The following IMMP2L variants were observed in gnomAD, a reference collection of about 807,000 sequenced individuals.
The protein encoded by IMMP2L is inner mitochondrial membrane peptidase subunit 2.
Under a neutral mutation model 19.3 loss-of-function variants are expected in IMMP2L, and 18 were observed. The observed-to-expected ratio is 0.93, with a 90% CI of 0.64 to 1.38. The LOEUF is 1.38. Among genes scored for constraint, IMMP2L ranks in the 40% most tolerant of loss-of-function variants. IMMP2L has a pLI of 0.00. For synonymous variants in IMMP2L, 76 were observed against 73.0 expected (o/e 1.04, Z -0.21); for missense variants, 233 against 218.2 (o/e 1.07, Z -0.43).
intron 5 of IMMP2L, among the ~76,000 whole-genome samples, chr7:110,754,352 T>C (rs2130934900): frequency 6.6e-6 from 1 of 152,170 alleles, no homozygotes; most frequent in South Asian, 2.1e-4. Context: ...TAATGGTCCT[T>C]GTTCAGAAAG....
chr7:111,114,807 G>A (rs540319181), intron 3 of IMMP2L, among the ~76,000 whole-genome samples: 1 of 151,776 alleles, frequency 6.6e-6, no homozygotes, highest in Admixed American at 6.6e-5. Context: ...ATATTTAAGG[G>A]TTACTACAAA....
At chr7:110,692,582 T>C (rs1481764348) in intron 5 of IMMP2L, among the ~76,000 whole-genome samples, 5 of 152,276 alleles carry the variant, frequency 3.3e-5, no homozygotes, top group East Asian at 1.9e-4. Flanking sequence ...ACCATAACAG[T>C]TGCATTTGAT....
chr7:111,391,362 G>A (rs1275828544), intron 3 of IMMP2L, among the ~76,000 whole-genome samples: 1 of 152,042 alleles, frequency 6.6e-6, no homozygotes, highest in Admixed American at 6.6e-5. Context: ...GGGTTGTTTT[G>A]TTCCCACACT....
chr7:111,502,039 A>C (rs1417141386), intron 2 of IMMP2L, among the ~76,000 whole-genome samples: 3 of 146,432 alleles, frequency 2.0e-5, no homozygotes, highest in Non-Finnish European at 3.1e-5. Flanking sequence ...AATTGGATAA[A>C]GAGTCATACA....
intron 3 of IMMP2L, among the ~76,000 whole-genome samples, chr7:111,468,848 G>A (rs1465895194): frequency 6.6e-6 from 1 of 151,998 alleles, no homozygotes; most frequent in Admixed American, 6.6e-5. Flanking sequence ...AGTTAAAGAT[G>A]GAAGTGACTC....
intron 4 of IMMP2L, among the ~76,000 whole-genome samples, chr7:110,957,062 T>A (rs1385769003): frequency 1.3e-5 from 2 of 152,044 alleles, no homozygotes; most frequent in Non-Finnish European, 2.9e-5. Context: ...ATGTTATAGA[T>A]AAGCATACCC....
intron 3 of IMMP2L, among the ~76,000 whole-genome samples, chr7:111,173,150 G>A (rs974387175): frequency 6.6e-6 from 1 of 151,414 alleles, no homozygotes; most frequent in African/African-American, 2.4e-5. Flanking sequence ...TATTACTACT[G>A]AAGTGTTGCA....
chr7:111,013,502 G>A (rs946853536), intron 3 of IMMP2L, among the ~76,000 whole-genome samples: 3 of 152,092 alleles, frequency 2.0e-5, no homozygotes, highest in African/African-American at 7.2e-5. Context: ...AAAACGGAAG[G>A]AGGGTGTGCA....
chr7:111,438,856 T>G (rs38752), intron 3 of IMMP2L, among the ~76,000 whole-genome samples: 51,416 of 151,626 alleles, frequency 0.34, 9,905 homozygotes, highest in East Asian at 0.64. Flanking sequence ...ATTTGTCAAG[T>G]ATCTTGAATT....
chr7:111,056,265 T>C (rs554747146), intron 3 of IMMP2L, among the ~76,000 whole-genome samples: 2 of 152,360 alleles, frequency 1.3e-5, no homozygotes, highest in African/African-American at 4.8e-5. Context: ...ACTACACTAA[T>C]GACCTTCTGT....
chr7:111,557,900 C>T (rs946708206), intron 1 of IMMP2L, among the ~76,000 whole-genome samples: 6 of 151,674 alleles, frequency 4.0e-5, no homozygotes, highest in Non-Finnish European at 7.4e-5. Flanking sequence ...ATCAACTGGA[C>T]TTTGAGTATA....
In IMMP2L at chr7:110,669,085, GTGTGTA is replaced by G. The variant is rs1414862614; in HGVS notation, c.409-5370_409-5365del. Among the ~76,000 whole-genome samples the G allele has an allele frequency of 4.4e-3, 456 of 103,762 alleles. 3 individuals carry two copies. The highest frequency in any genetic ancestry group is 0.033 in the East Asian group (127 of 3,852). The allele number at this position is 103,762 out of a possible 152,430, so 68.1% of individuals were successfully genotyped here. A position where few individuals can be genotyped will look rare whatever the true frequency, so the allele number is the denominator to read the frequency against. On this transcript the variant is annotated intron_variant, in intron 5 of 5. Transcript: ENST00000405709. ...TGTGTGTGTGTGTGTGTGTGTGTGT[GTGTGTA>G]TATGTATATATATATATAGAGAGAG...
intron 3 of IMMP2L, among the ~76,000 whole-genome samples, chr7:111,101,441 T>C (rs1797964745): frequency 6.6e-6 from 1 of 151,522 alleles, no homozygotes; most frequent in Non-Finnish European, 1.5e-5. Flanking sequence ...GAGTAACACC[T>C]AAGAATCCAT....
chr7:110,753,196 TCACCTGGA>T (rs1448436259), intron 5 of IMMP2L, among the ~76,000 whole-genome samples: 1 of 152,024 alleles, frequency 6.6e-6, no homozygotes, highest in Non-Finnish European at 1.5e-5. Context: ...AGTTTTAAAA[TCACCTGGA>T]ATCCTTCTAC....
intron 3 of IMMP2L, among the ~76,000 whole-genome samples, chr7:111,290,398 T>C (rs1304409486): frequency 6.6e-6 from 1 of 152,182 alleles, no homozygotes; most frequent in African/African-American, 2.4e-5. Flanking sequence ...CCTATATACT[T>C]GGTAAATTCT....
chr7:111,540,488 C>T (rs2613590), intron 1 of IMMP2L, among the ~76,000 whole-genome samples: 1 of 151,902 alleles, frequency 6.6e-6, no homozygotes, highest in Non-Finnish European at 1.5e-5. Flanking sequence ...TATTCAAAAG[C>T]TCTAACGAGG....
At chr7:111,326,559 G>A (rs527895329) in intron 3 of IMMP2L, among the ~76,000 whole-genome samples, 1 of 151,798 alleles carries the variant, frequency 6.6e-6, no homozygotes, top group South Asian at 2.1e-4. Flanking sequence ...CTCCAAAGAA[G>A]ACATAAAAAT....
At position 111,123,931 on chromosome 7, in the gene IMMP2L, C is replaced by T. The variant is rs1167488652; in HGVS notation, c.240-160366G>A. On this transcript the variant is annotated intron_variant, in intron 3 of 5. Transcript: ENST00000405709. This position sits in a 1 kb window ranked among gnomAD's most constrained non-coding sequence, Gnocchi z 6.4. ...GATGAACATGAACAAAACCAACATTCGATTCATGGAGCCAGATTCACTGTT... is the reference window on the plus strand; with the variant it reads ...GATGAACATGAACAAAACCAACATTTGATTCATGGAGCCAGATTCACTGTT... 1.2e-6 allele frequency: 2 copies of T among 1,613,844 alleles called. No individual in the cohort carries two copies. Among genetic ancestry groups the T allele is most frequent in the African/African-American group, 1.3e-5 (1 of 74,906 alleles).
intron 3 of IMMP2L, among the ~76,000 whole-genome samples, chr7:111,233,923 C>CA (rs1392303253): frequency 4.6e-5 from 7 of 151,970 alleles, no homozygotes; most frequent in Non-Finnish European, 8.8e-5. Context: ...CACCATCTCG[C>CA]AAAGTAAATA....
Sources: gnomAD v4.1 joint callset for allele counts (sites outside exome capture counted in the v4.1 genomes callset) on GRCh38, gnomAD v4.1.1 for gene constraint, Gnocchi (gnomAD v3.1) non-coding constraint, MANE v1.5 for transcripts, NCBI Gene and HGNC (gene_info 2026-07-23, HGNC 2026-07-21) for gene names.